WDPCP: variants seen among roughly 807,000 people sequenced by gnomAD.
WDPCP encodes WD repeat-containing and planar cell polarity effector protein fritz homolog.
A neutral mutation model predicts 93.1 loss-of-function variants in WDPCP; 71 were observed. The observed-to-expected ratio is 0.76, with a 90% CI of 0.63 to 0.93. The LOEUF (loss-of-function observed/expected upper bound fraction) is 0.93, where lower values mean the gene tolerates loss of function less well. Ranked by LOEUF, WDPCP falls within the 40% of genes least tolerant of loss-of-function variation. WDPCP has a pLI of 0.00. For missense variants in WDPCP, 844 were observed against 887.4 expected, an observed-to-expected ratio of 0.95 and a Z score of 0.62; for synonymous variants, 315 against 315.0, an observed-to-expected ratio of 1.00 and a Z score of 0.00.
chr2:63,508,551 C>T (rs1402959868), intron 1 of WDPCP, among the ~76,000 whole-genome samples: 2 of 152,136 alleles, frequency 1.3e-5, no homozygotes, highest in Non-Finnish European at 2.9e-5. Flanking sequence ...AACCAGCTAA[C>T]ATCATAATGA....
At chr2:63,670,329 C>G (rs1416469688) in intron 2 of WDPCP, among the ~76,000 whole-genome samples, 1 of 152,128 alleles carries the variant, frequency 6.6e-6, no homozygotes, top group Non-Finnish European at 1.5e-5. Context: ...GGCTACAGAG[C>G]CCCTTTTCCT....
chr2:63,252,626 T>G lies in WDPCP; in HGVS notation c.1915+6681A>C, dbSNP rs1360514323. Among the ~76,000 whole-genome samples the G allele has an allele frequency of 3.9e-5, 6 of 152,108 alleles. No individual in the cohort carries two copies. The East Asian group carries it at 1.2e-3, about 29-fold the overall frequency. On this transcript the variant is annotated intron_variant, in intron 14 of 17. Coordinates refer to ENST00000272321, the MANE Select transcript of WDPCP (RefSeq NM_015910.7). ...AATCAGTGCCATTTCTGTATACTAA[T>G]AACATTCAAGCTGAGAGCCAAGTCA...
intron 12 of WDPCP, among the ~76,000 whole-genome samples, chr2:63,354,253 G>T (rs183423933): frequency 3.1e-4 from 47 of 152,288 alleles, no homozygotes; most frequent in Non-Finnish European, 7.4e-5. Flanking sequence ...ATCCTGGGCT[G>T]ATTGCACTGA....
intron 3 of WDPCP, among the ~76,000 whole-genome samples, chr2:63,611,258 T>C (rs1709610871): frequency 6.6e-6 from 1 of 152,256 alleles, no homozygotes; most frequent in Admixed American, 6.5e-5. Flanking sequence ...ATAAAGATGC[T>C]GGACTATTTT....
intron 1 of WDPCP, among the ~76,000 whole-genome samples, chr2:63,821,901 C>T (rs190419667): frequency 8.5e-5 from 13 of 152,258 alleles, no homozygotes; most frequent in Non-Finnish European, 4.4e-5. Flanking sequence ...GATAGGTTTT[C>T]AGCACCTTTT....
intron 4 of WDPCP, 58 bp from the exon 5 acceptor site, chr2:63,485,045 C>T: frequency 6.3e-7 from 1 of 1,587,834 alleles, no homozygotes. Flanking sequence ...GGAAATTCTG[C>T]TTAGCAGTGT....
intron 2 of WDPCP, among the ~76,000 whole-genome samples, chr2:63,728,033 T>C (rs1669514809): frequency 6.6e-6 from 1 of 152,162 alleles, no homozygotes; most frequent in African/African-American, 2.4e-5. Flanking sequence ...AATGCAGACA[T>C]GGTACTGTTT....
chr2:63,575,333 A>G (rs1286486043), intron 1 of WDPCP, among the ~76,000 whole-genome samples: 2 of 141,242 alleles, frequency 1.4e-5, no homozygotes, highest in African/African-American at 2.6e-5. Context: ...CACAGTATAT[A>G]TGGTATATAC....
At chr2:63,302,372 C>T (rs1685397327) in intron 13 of WDPCP, among the ~76,000 whole-genome samples, 1 of 152,164 alleles carries the variant, frequency 6.6e-6, no homozygotes, top group Admixed American at 6.6e-5. Context: ...ATACCATTCC[C>T]AGTAGGATAG....
chr2:63,501,009 T>A (rs764431516), intron 1 of WDPCP, among the ~76,000 whole-genome samples: 9 of 152,172 alleles, frequency 5.9e-5, no homozygotes, highest in Non-Finnish European at 1.3e-4. Context: ...AAGTTCTAAA[T>A]CAGTTCAGAA....
chr2:63,251,191 T>C (rs1453620212), intron 14 of WDPCP, among the ~76,000 whole-genome samples: 1 of 152,088 alleles, frequency 6.6e-6, no homozygotes, highest in Non-Finnish European at 1.5e-5. Context: ...AAGTTTATAC[T>C]TTGAAAGGAT....
rs773415801 is a variant in WDPCP, at chr2:63,607,001, T to C, written n.488+43658A>G. ...TCCTCTGCCTGACTAGACAATGATG[T>C]TACTAAATGCTTCAAAGCTGAAGAA... On this transcript the variant is annotated intron_variant and non_coding_transcript_variant, in intron 3 of 4. Coordinates refer to the WDPCP transcript ENST00000467687. 6.9e-6 allele frequency: 11 copies of C among 1,604,286 alleles called. No homozygotes were observed. In the Admixed American group the frequency reaches 1.9e-4, roughly 28 times the overall value.
intron 1 of WDPCP, among the ~76,000 whole-genome samples, chr2:63,534,007 C>CAA (rs144011772): frequency 7.9e-5 from 12 of 151,402 alleles, no homozygotes; most frequent in East Asian, 3.9e-4. Flanking sequence ...CAAATAGATG[C>CAA]AAAAAAAATG....
chr2:63,347,530 C>T (rs540727547), intron 12 of WDPCP, among the ~76,000 whole-genome samples: 60 of 152,292 alleles, frequency 3.9e-4, no homozygotes, highest in African/African-American at 1.4e-3. Context: ...TGTTGCTCTA[C>T]TGTCATTGGA....
intron 2 of WDPCP, among the ~76,000 whole-genome samples, chr2:63,724,855 A>G (rs1047021238): frequency 3.3e-5 from 5 of 152,230 alleles, no homozygotes; most frequent in African/African-American, 1.2e-4. Context: ...ACATGTGGGC[A>G]TGTGAACAAC....
chr2:63,607,725 G>C (rs1310284440), intron 3 of WDPCP, among the ~76,000 whole-genome samples: 1 of 151,492 alleles, frequency 6.6e-6, no homozygotes, highest in African/African-American at 2.4e-5. Flanking sequence ...AGCTACTCGG[G>C]AGGCTGAGGC....
At chr2:63,484,488 T>C in intron 6 of WDPCP, 116 bp downstream of exon 6, 1 of 1,116,680 alleles carries the variant, frequency 9.0e-7, no homozygotes, top group Non-Finnish European at 1.3e-6. Flanking sequence ...AACTATGAAA[T>C]AACCACTGCT....
chr2:63,677,299 T>C (rs1710413745), intron 2 of WDPCP, among the ~76,000 whole-genome samples: 1 of 152,178 alleles, frequency 6.6e-6, no homozygotes. Context: ...ATTATCTCTA[T>C]GGTTTTTCAT....
chr2:63,685,625 A>G (rs1219365735), intron 2 of WDPCP, among the ~76,000 whole-genome samples: 2 of 152,232 alleles, frequency 1.3e-5, no homozygotes, highest in African/African-American at 4.8e-5. Flanking sequence ...TAATCCCGAT[A>G]CCAAAAACCA....
Sources: allele counts gnomAD v4.1 joint callset (sites outside exome capture counted in the v4.1 genomes callset), GRCh38; gene constraint gnomAD v4.1.1; transcripts MANE v1.5; gene names NCBI Gene and HGNC (gene_info 2026-07-23, HGNC 2026-07-21).